The following KLHL25 variants were observed in gnomAD, a reference collection of about 807,000 sequenced individuals.
The protein encoded by KLHL25 is kelch like family member 25.
A neutral mutation model predicts 30.0 loss-of-function variants in KLHL25; 41 were observed. That is an observed-to-expected ratio of 1.37 (90% CI 1.07 to 1.78). KLHL25 has a LOEUF of 1.78. KLHL25 is among the 40% of genes most tolerant of loss of function. KLHL25 has a pLI of 0.00. For synonymous variants in KLHL25, 399 were observed against 355.3 expected, an observed-to-expected ratio of 1.12 and a Z score of -1.38; for missense variants, 971 against 824.5, an observed-to-expected ratio of 1.18 and a Z score of -2.18.
chr15:85,783,375 T>C (rs1266764590), intron 1 of KLHL25, among the ~76,000 whole-genome samples: 1 of 151,974 alleles, frequency 6.6e-6, no homozygotes, highest in East Asian at 2.0e-4. Flanking sequence ...ATTACAGGCA[T>C]GAGCCACTGT....
intron 1 of KLHL25, among the ~76,000 whole-genome samples, chr15:85,770,343 C>T (rs2089662642): frequency 1.3e-5 from 2 of 152,234 alleles, no homozygotes; most frequent in African/African-American, 4.8e-5. Flanking sequence ...GGCTCTGGAG[C>T]CTGATCTCTG....
chr15:85,769,752 A>T lies in KLHL25; in HGVS notation c.59T>A (p.Val20Asp). 1 of 1,613,584 alleles carries T rather than the reference A, an allele frequency of 6.2e-7. No homozygotes were observed. The highest frequency in any genetic ancestry group is 2.2e-5 in the East Asian group (1 of 44,886). ...GTGGGAGGCCTTGTGGAAGAGGGTG[A>T]CGTTCATGGACCCCGTGCTGCTCCG... ...KSRSSTGSMN[V>D]TLFHKASHPD... Residue 20 changes from valine to aspartate, a missense_variant, in exon 2 of 3, where the codon GTC becomes GAC. By Grantham distance (152) the Val-to-Asp change is radical. Transcript: ENST00000337975.
At chr15:85,778,586 TG>T (rs1219846558) in intron 1 of KLHL25, among the ~76,000 whole-genome samples, 2 of 151,402 alleles carry the variant, frequency 1.3e-5, no homozygotes, top group East Asian at 3.9e-4. Context: ...ACGCAAGGAG[TG>T]GGGGCAGAGC....
Position 85,768,939 on chromosome 15 carries a change from C to T in KLHL25, c.872G>A (p.Arg291His), listed in dbSNP as rs547566595. ...GATGAGTAGCGTGTGGCCCGCCTTG[C>T]GTGGCCGGGCACAGGGGCTGGTGAC... ...GVVTSPCARP[R>H]KAGHTLLILG... Residue 291 changes from arginine (R) to histidine (H), a missense_variant, in exon 2 of 3, where the codon CGC becomes CAC. Arg to His is a conservative substitution (Grantham distance 29, BLOSUM62 0). Transcript: ENST00000337975. The T allele has an allele frequency of 1.4e-5, 22 of 1,613,286 alleles. No homozygotes were observed. Among genetic ancestry groups the T allele is most frequent in the Admixed American group, 3.3e-5 (2 of 60,030 alleles).
At position 85,769,373 on chromosome 15, in the gene KLHL25, G is replaced by T. The variant is rs1400786865; in HGVS notation, c.438C>A (p.Pro146=). Reference sequence around the variant, plus strand: ...GCAGCATCATGCCCAGGCAGTTGGAGGGGAAAAGGTTCTTCTCCAGGAACT... The same window carrying T: ...GCAGCATCATGCCCAGGCAGTTGGATGGGAAAAGGTTCTTCTCCAGGAACT... The part of the protein sequence containing the change: ...AAEFLEKNLF[P]SNCLGMMLLS... The change falls in exon 2 of 3, where the codon CCC becomes CCA. Residue 146 remains proline, a synonymous_variant. Transcript: ENST00000337975. The T allele has an allele frequency of 6.2e-7, 1 of 1,614,054 alleles. No homozygotes were observed. Among genetic ancestry groups the T allele is most frequent in the Non-Finnish European group, 8.5e-7 (1 of 1,180,032 alleles).
chr15:85,776,929 AAAATAAATAAAT>A (rs71141489), intron 1 of KLHL25, among the ~76,000 whole-genome samples: 3 of 151,986 alleles, frequency 2.0e-5, no homozygotes, highest in Non-Finnish European at 4.4e-5. Context: ...CATCTCAAAA[AAAATAAATAAAT>A]AAATAAATAA....
At chr15:85,787,868 A>G (rs1019037657) in intron 1 of KLHL25, among the ~76,000 whole-genome samples, 1 of 152,132 alleles carries the variant, frequency 6.6e-6, no homozygotes, top group Non-Finnish European at 1.5e-5. Flanking sequence ...GGACCCTCAC[A>G]CTGTGCTCCA....
At chr15:85,774,276 T>C (rs866578530) in intron 1 of KLHL25, among the ~76,000 whole-genome samples, 4 of 152,160 alleles carry the variant, frequency 2.6e-5, no homozygotes, top group Admixed American at 6.5e-5. Context: ...TTAAGGCACA[T>C]AGCGTAACTG....
intron 1 of KLHL25, among the ~76,000 whole-genome samples, chr15:85,776,172 C>CA (rs60382493): frequency 0.21 from 26,712 of 127,096 alleles, 2,727 homozygotes; most frequent in East Asian, 0.32. Context: ...GACTCTGTCT[C>CA]AAAAAAAAAA....
rs1330819698 is a variant in KLHL25, at chr15:85,768,474, A to C, written c.1337T>G (p.Leu446Arg). ...NAAVVSAKLK[L>R]FVFGGTSIHR... ...GATGCTGGTTCCTCCGAAAACAAAG[A>C]GCTTCAGCTTGGCACTCACCACTGC... Residue 446 changes from leucine (L) to arginine (R), a missense_variant, in exon 2 of 3, where the codon CTC (leucine) becomes CGC (arginine). By Grantham distance (102) the Leu-to-Arg change is moderately radical (BLOSUM62 -2). Coordinates refer to ENST00000337975, the MANE Select transcript of KLHL25 (RefSeq NM_022480.4). 5 of 1,613,568 alleles carry C rather than the reference A, an allele frequency of 3.1e-6. No individual in the cohort carries two copies. The highest frequency in any genetic ancestry group is 4.2e-6 in the Non-Finnish European group (5 of 1,179,916).
intron 1 of KLHL25, among the ~76,000 whole-genome samples, chr15:85,791,615 T>C (rs1343075275): frequency 6.8e-6 from 1 of 147,786 alleles, no homozygotes; most frequent in African/African-American, 2.5e-5. Flanking sequence ...GCAAGAGAGG[T>C]AGGGGGCGGG....
chr15:85,768,129 G>A lies in KLHL25; in HGVS notation c.1682C>T (p.Thr561Ile). The A allele has an allele frequency of 6.2e-7, 1 of 1,614,250 alleles. No homozygotes were observed. Among genetic ancestry groups the A allele is most frequent in the East Asian group, 2.2e-5 (1 of 44,892 alleles). The change falls in exon 2 of 3, where the codon ACT (threonine) becomes ATT (isoleucine). Residue 561 changes from threonine (T) to isoleucine (I), a missense_variant. Thr to Ile is a moderately conservative substitution (Grantham distance 89). Transcript: ENST00000337975. ...GGTGATGCAGTTCCATGTATCTGAAGTGGGGTCATAGCAGTCCAGAGTCTT... is the reference window on the plus strand; with the variant it reads ...GGTGATGCAGTTCCATGTATCTGAAATGGGGTCATAGCAGTCCAGAGTCTT... ...RCKTLDCYDP[T>I]SDTWNCITTV...
chr15:85,762,698 G>C (rs2089591230), intron 2 of KLHL25: 1 of 152,382 alleles, frequency 6.6e-6, no homozygotes, highest in African/African-American at 2.4e-5. Flanking sequence ...CCCCCAGCCT[G>C]GCACAGGAAC....
In KLHL25 at chr15:85,769,832, A is replaced by G; in HGVS notation, c.-10-12T>C. On this transcript the variant is annotated splice_polypyrimidine_tract_variant and intron_variant, in intron 1 of 2. Transcript: ENST00000337975. The stretch of plus-strand genomic sequence containing the variant: ...ACATGGTGCGTCAGCTTGTGGGGGA[A>G]CAAGCCCACAGGTTAGAGGAGCCCC... The G allele has an allele frequency of 6.3e-7, 1 of 1,590,738 alleles. No homozygotes were observed.
chr15:85,768,781 CAT>C lies in KLHL25; in HGVS notation c.1028_1029del (p.Tyr343CysfsTer23). 1 of 1,613,216 alleles carries C rather than the reference CAT, an allele frequency of 6.2e-7. No homozygotes were observed. The highest frequency in any genetic ancestry group is 8.5e-7 in the Non-Finnish European group (1 of 1,180,022). On this transcript the variant is annotated frameshift_variant, in exon 2 of 3. Coordinates refer to ENST00000337975, the MANE Select transcript of KLHL25 (RefSeq NM_022480.4). LOFTEE classifies it high-confidence loss of function. ...FSASAIGCKV[Y>X]VTGGRGSENG... ...TTCTCGGAGCCCCTGCCCCCCGTCA[CAT>C]AGACCTTGCAGCCGATCGCTGAGGC...
chr15:85,778,831 T>C (rs1486366052), intron 1 of KLHL25, among the ~76,000 whole-genome samples: 1 of 152,160 alleles, frequency 6.6e-6, no homozygotes, highest in Non-Finnish European at 1.5e-5. Flanking sequence ...CCAGCTTCTG[T>C]GCAACCAGGA....
At chr15:85,772,601 C>A (rs1481225820) in intron 1 of KLHL25, among the ~76,000 whole-genome samples, 1 of 152,232 alleles carries the variant, frequency 6.6e-6, no homozygotes, top group Admixed American at 6.5e-5. Flanking sequence ...ACTGTGTTAA[C>A]TGGGCTGCCT....
intron 2 of KLHL25, chr15:85,763,607 G>T (rs1283201512): frequency 6.6e-6 from 1 of 152,538 alleles, no homozygotes; most frequent in South Asian, 2.1e-4. Context: ...ATGATCTGGG[G>T]TGCAGAGGCC....
chr15:85,785,551 A>C (rs1260452778), intron 1 of KLHL25, among the ~76,000 whole-genome samples: 1 of 149,398 alleles, frequency 6.7e-6, no homozygotes, highest in African/African-American at 2.5e-5. Flanking sequence ...TCTGAGCAAA[A>C]CCCAGCAAAG....
Sources: allele counts gnomAD v4.1 joint callset (sites outside exome capture counted in the v4.1 genomes callset), GRCh38; gene constraint gnomAD v4.1.1; transcripts MANE v1.5; gene names NCBI Gene and HGNC (gene_info 2026-07-23, HGNC 2026-07-21).